The following CLIP2 variants were observed in gnomAD, a reference collection of about 807,000 sequenced individuals.
The protein encoded by CLIP2 is CAP-Gly domain containing linker protein 2.
In CLIP2, 41 loss-of-function variants were observed where a neutral mutation model predicts 111.7. That is an observed-to-expected ratio of 0.37 (90% confidence interval 0.29 to 0.48). The LOEUF (loss-of-function observed/expected upper bound fraction) is 0.48, where lower values mean the gene tolerates loss of function less well. CLIP2 is among the 20% of genes least tolerant of loss of function. The pLI, the probability that CLIP2 is intolerant of heterozygous loss-of-function variation, is 0.99. For synonymous variants in CLIP2, 660 were observed against 644.2 expected, an observed-to-expected ratio of 1.02 and a Z score of -0.37; for missense variants, 1,160 against 1,422.1, an observed-to-expected ratio of 0.82 and a Z score of 2.96.
At chr7:74,308,141 G>C (rs1554728017) in intron 1 of CLIP2, among the ~76,000 whole-genome samples, 1 of 152,228 alleles carries the variant, frequency 6.6e-6, no homozygotes, top group African/African-American at 2.4e-5. Flanking sequence ...GGTGGCATCA[G>C]GCTAGGTGTC....
At chr7:74,379,958 AAAAG>A (rs1211430178) in intron 10 of CLIP2, 1 of 152,190 alleles carries the variant, frequency 6.6e-6, no homozygotes, top group African/African-American at 2.4e-5. Context: ...AAAAAAAAGA[AAAAG>A]AAAAATTTAG....
intron 1 of CLIP2, among the ~76,000 whole-genome samples, chr7:74,309,843 C>A (rs1788596827): frequency 6.9e-6 from 1 of 144,914 alleles, no homozygotes; most frequent in African/African-American, 2.5e-5. Context: ...AAAAAAAAAG[C>A]ATTCATCTAT....
chr7:74,348,161 C>A (rs1275347590), intron 3 of CLIP2, among the ~76,000 whole-genome samples: 1 of 151,450 alleles, frequency 6.6e-6, no homozygotes, highest in African/African-American at 2.4e-5. Flanking sequence ...CAGAGTGACT[C>A]CATTTCAAAA....
chr7:74,304,572 T>C (rs1310957465), intron 1 of CLIP2, among the ~76,000 whole-genome samples: 3 of 135,000 alleles, frequency 2.2e-5, no homozygotes, highest in Non-Finnish European at 4.9e-5. Flanking sequence ...AAAAAAAAAG[T>C]TTAAGAAATC....
At chr7:74,403,568 AAAAC>A (rs1490521246) in intron 16 of CLIP2, among the ~76,000 whole-genome samples, 2 of 152,272 alleles carry the variant, frequency 1.3e-5, no homozygotes, top group Non-Finnish European at 1.5e-5. Context: ...ACTCCGTCTT[AAAAC>A]AAACAAACAC....
chr7:74,315,499 C>T (rs1554729017), intron 1 of CLIP2, among the ~76,000 whole-genome samples: 1 of 152,194 alleles, frequency 6.6e-6, no homozygotes, highest in South Asian at 2.1e-4. Context: ...CCTGCCTTGG[C>T]CCCCCAAAGT....
chr7:74,358,369 A>T (rs539210974), intron 6 of CLIP2, among the ~76,000 whole-genome samples: 48 of 151,602 alleles, frequency 3.2e-4, no homozygotes, highest in East Asian at 1.2e-3. Flanking sequence ...TTATTTTTTT[A>T]AAATATTTTT....
intron 8 of CLIP2, among the ~76,000 whole-genome samples, chr7:74,368,010 C>T (rs575360171): frequency 2.0e-5 from 3 of 152,064 alleles, no homozygotes; most frequent in Non-Finnish European, 2.9e-5. Flanking sequence ...CCCAGAAGTT[C>T]GAGACCAGCT....
At chr7:74,305,108 C>A (rs1788441741) in intron 1 of CLIP2, among the ~76,000 whole-genome samples, 1 of 151,864 alleles carries the variant, frequency 6.6e-6, no homozygotes, top group African/African-American at 2.4e-5. Flanking sequence ...CAGGGAGGAC[C>A]CTCTAGGGGA....
chr7:74,350,923 AGG>A, intron 3 of CLIP2, among the ~76,000 whole-genome samples: 1 of 146,426 alleles, frequency 6.8e-6, no homozygotes, highest in South Asian at 2.2e-4. Context: ...AGGGAAGGGA[AGG>A]AAGGGAAGGA....
At chr7:74,360,079 A>C in intron 6 of CLIP2, 96 bp from the exon 7 acceptor site, 1 of 992,572 alleles carries the variant, frequency 1.0e-6, no homozygotes, top group Non-Finnish European at 1.5e-6. Context: ...CTGGGGTTCC[A>C]GGCCCTGCTC....
In CLIP2 at chr7:74,405,009, T is replaced by G. The variant is rs1247846357; in HGVS notation, c.*1161T>G. 1 of 152,160 alleles carries G rather than the reference T, an allele frequency of 6.6e-6. No individual in the cohort carries two copies. The highest frequency in any genetic ancestry group is 1.5e-5 in the Non-Finnish European group (1 of 68,082). The allele number at this position is 152,160 out of a possible 1,614,324, so 9.4% of individuals were successfully genotyped here. ...ACGCAGCCAGGCATTCAGGGGTGTG[T>G]TTGCCACATGGAGCATCCCTTCCTG... On this transcript the variant is annotated 3_prime_UTR_variant, in exon 17 of 17. Coordinates refer to ENST00000223398, the MANE Select transcript of CLIP2 (RefSeq NM_003388.5).
intron 1 of CLIP2, among the ~76,000 whole-genome samples, chr7:74,297,685 A>T (rs1225021448): frequency 6.6e-6 from 1 of 152,012 alleles, no homozygotes; most frequent in Non-Finnish European, 1.5e-5. Flanking sequence ...TGGAATGTTG[A>T]TCTGCTTCTC....
At chr7:74,380,994 G>A in intron 11 of CLIP2, 131 bp downstream of exon 11, 2 of 852,998 alleles carry the variant, frequency 2.3e-6, no homozygotes, top group Non-Finnish European at 4.0e-6. Context: ...TGTGCTGTGA[G>A]CTATGTACTC....
At position 74,386,501 on chromosome 7, in the gene CLIP2, G is replaced by C. The variant is rs367880925; in HGVS notation, c.2480-20G>C. ...TGGTCCAGGAGCATTGATGCTTCTC[G>C]TCTCTCCTCTCTCCCCTAGGCCTGC... On this transcript the variant is annotated intron_variant, in intron 11 of 16. Transcript: ENST00000223398. 1.9e-6 allele frequency: 3 copies of C among 1,606,160 alleles called. No individual in the cohort carries two copies.
Position 74,356,621 on chromosome 7 carries a change from C to T in CLIP2, c.1015C>T (p.Leu339=), listed in dbSNP as rs1554308538. ...GGGGGGTCGGCCCAGCCGCAGTGGC[C>T]TGGTGAGGGTGGGGCTGCAGAAGGG... The part of the protein sequence containing the change: ...SVGGRPSRSG[L]LTETSSRYAR... Residue 339 remains leucine, a splice_region_variant and synonymous_variant, in exon 5 of 17, where the codon CTG becomes TTG. Coordinates refer to ENST00000223398, the MANE Select transcript of CLIP2 (RefSeq NM_003388.5). 1.9e-6 allele frequency: 3 copies of T among 1,612,266 alleles called. No homozygotes were observed. The highest frequency in any genetic ancestry group is 2.5e-6 in the Non-Finnish European group (3 of 1,179,224).
chr7:74,371,225 A>T (rs2116642753), intron 8 of CLIP2, among the ~76,000 whole-genome samples: 1 of 144,116 alleles, frequency 6.9e-6, no homozygotes, highest in East Asian at 2.1e-4. Flanking sequence ...GCCTGGGTGA[A>T]AGAGGGAAAC....
At chr7:74,349,044 CA>C (rs1241042216) in intron 3 of CLIP2, among the ~76,000 whole-genome samples, 1 of 151,868 alleles carries the variant, frequency 6.6e-6, no homozygotes, top group Non-Finnish European at 1.5e-5. Context: ...TCATAATAGC[CA>C]AAAAGTGGAA....
At chr7:74,335,494 T>TATTC (rs1239490313) in intron 2 of CLIP2, among the ~76,000 whole-genome samples, 5 of 115,100 alleles carry the variant, frequency 4.3e-5, no homozygotes, top group Non-Finnish European at 6.3e-5. Flanking sequence ...GCACCTGGCT[T>TATTC]ATTTATTCAT....
Sources: gnomAD v4.1 joint callset for allele counts (sites outside exome capture counted in the v4.1 genomes callset) on GRCh38, gnomAD v4.1.1 for gene constraint, MANE v1.5 for transcripts, NCBI Gene and HGNC (gene_info 2026-07-23, HGNC 2026-07-21) for gene names.